Variants in NARS2 observed in about 807,000 individuals in gnomAD.
NARS2 encodes asparaginyl-tRNA synthetase 2, mitochondrial, also known as asparaginyl-tRNA synthetase.
A neutral mutation model predicts 62.9 loss-of-function variants in NARS2; 60 were observed. The observed-to-expected ratio is 0.95, with a 90% confidence interval of 0.77 to 1.18. NARS2 has a LOEUF of 1.18. NARS2 is among the 50% of genes most tolerant of loss of function. NARS2 has a pLI of 0.00. For missense variants in NARS2, 619 were observed against 576.4 expected, an observed-to-expected ratio of 1.07 and a Z score of -0.76; for synonymous variants, 196 against 200.0, an observed-to-expected ratio of 0.98 and a Z score of 0.17.
At chr11:78,450,109 A>G (rs958118361) in intron 11 of NARS2, among the ~76,000 whole-genome samples, 2 of 152,256 alleles carry the variant, frequency 1.3e-5, no homozygotes, top group Non-Finnish European at 2.9e-5. Flanking sequence ...ACGGGGAAGC[A>G]TAATTCCCAC....
At chr11:78,490,115 T>C (rs184716069) in intron 7 of NARS2, among the ~76,000 whole-genome samples, 2 of 152,306 alleles carry the variant, frequency 1.3e-5, no homozygotes, top group Admixed American at 1.3e-4. Context: ...ACTTTGTTCA[T>C]TACTTTCAAA....
intron 5 of NARS2, among the ~76,000 whole-genome samples, chr11:78,550,991 T>A (rs1454523516): frequency 6.6e-6 from 1 of 152,212 alleles, no homozygotes; most frequent in Non-Finnish European, 1.5e-5. Flanking sequence ...CATTGTACGA[T>A]TCCATTTATA....
Position 78,566,272 on chromosome 11 carries a change from C to G in NARS2, c.373G>C (p.Asp125His), listed in dbSNP as rs1856741349. 1 of 1,572,484 alleles carries G rather than the reference C, an allele frequency of 6.4e-7. No homozygotes were observed. The highest frequency in any genetic ancestry group is 1.2e-5 in the South Asian group (1 of 84,508). Residue 125 changes from aspartate (D) to histidine (H), a missense_variant and splice_region_variant, in exon 4 of 14, where the codon GAT (aspartate) becomes CAT (histidine). By Grantham distance (81) the Asp-to-His change is moderately conservative. Transcript: ENST00000281038. ...IKVIGNCDAK[D>H]FPIKYKERHP... ...CTCTCTTTATATTTGATGGGGAAAT[C>G]CTGCCAATAAATGAAAAGAACAAAT...
chr11:78,461,709 G>C (rs912650305), intron 11 of NARS2, among the ~76,000 whole-genome samples: 1 of 151,030 alleles, frequency 6.6e-6, no homozygotes, highest in African/African-American at 2.4e-5. Context: ...CACTTTAGGA[G>C]GCTGAGGCGG....
rs2135425106 is a variant in NARS2 at position 78,527,758 on chromosome 11, TA to T, written c.689+1083del. Among the ~76,000 whole-genome samples the T allele has an allele frequency of 2.6e-5, 4 of 152,090 alleles. 1 individual carries two copies. Among genetic ancestry groups the T allele is most frequent in the Admixed American group, 2.6e-4 (4 of 15,260 alleles). Reference sequence around the variant, plus strand: ...AGTCCTAATCTCTATAATGAGAAAATATTTAAAGAAAAAGATACATAAAGAA... The same window carrying T: ...AGTCCTAATCTCTATAATGAGAAAATTTTAAAGAAAAAGATACATAAAGAA... On this transcript the variant is annotated intron_variant, in intron 6 of 13. Coordinates refer to ENST00000281038, the MANE Select transcript of NARS2 (RefSeq NM_024678.6).
At chr11:78,540,483 A>C (rs1368262409) in intron 5 of NARS2, among the ~76,000 whole-genome samples, 1 of 78,980 alleles carries the variant, frequency 1.3e-5, no homozygotes, top group Non-Finnish European at 4.4e-5. Flanking sequence ...CAACAATGGA[A>C]AACTTATTTG....
intron 5 of NARS2, among the ~76,000 whole-genome samples, chr11:78,551,877 A>C (rs1012046447): frequency 6.6e-6 from 1 of 151,874 alleles, no homozygotes; most frequent in Non-Finnish European, 1.5e-5. Context: ...ACAAACAAAA[A>C]AAACCCACCA....
chr11:78,461,601 G>GT (rs1284529873), intron 11 of NARS2, among the ~76,000 whole-genome samples: 42 of 96,578 alleles, frequency 4.3e-4, no homozygotes, highest in Admixed American at 2.7e-3. Flanking sequence ...TGCTGTGCTG[G>GT]TAAAAAAAAA....
At chr11:78,478,015 G>A (rs921297973) in intron 9 of NARS2, among the ~76,000 whole-genome samples, 2 of 152,076 alleles carry the variant, frequency 1.3e-5, no homozygotes, top group East Asian at 1.9e-4. Context: ...TAACTCTCAC[G>A]CAGATCACTG....
chr11:78,442,459 G>A (rs1857604516), intron 12 of NARS2, among the ~76,000 whole-genome samples: 1 of 152,182 alleles, frequency 6.6e-6, no homozygotes, highest in African/African-American at 2.4e-5. Context: ...CATATAGGTT[G>A]AGACCTTGAA....
intron 11 of NARS2, among the ~76,000 whole-genome samples, chr11:78,450,032 C>T (rs757737157): frequency 3.9e-5 from 6 of 152,176 alleles, no homozygotes; most frequent in Non-Finnish European, 5.9e-5. Flanking sequence ...ACAGAAGCAA[C>T]GTATGTATGT....
chr11:78,473,479 A>G (rs1858960164), intron 9 of NARS2, among the ~76,000 whole-genome samples: 1 of 152,158 alleles, frequency 6.6e-6, no homozygotes, highest in Non-Finnish European at 1.5e-5. Context: ...TTTTGAGAAT[A>G]TCATGCCACT....
intron 5 of NARS2, among the ~76,000 whole-genome samples, chr11:78,538,863 C>T (rs1163797995): frequency 4.0e-5 from 6 of 150,544 alleles, no homozygotes; most frequent in South Asian, 2.1e-4. Flanking sequence ...GGCGTGGTGG[C>T]GGGCGCCTGT....
At chr11:78,479,583 G>A (rs541190761) in intron 7 of NARS2, among the ~76,000 whole-genome samples, 1 of 152,226 alleles carries the variant, frequency 6.6e-6, no homozygotes, top group East Asian at 1.9e-4. Flanking sequence ...TTCTTAGAAG[G>A]AAAAAAGTGA....
intron 13 of NARS2, among the ~76,000 whole-genome samples, chr11:78,440,808 C>T (rs1346034609): frequency 6.6e-6 from 1 of 152,216 alleles, no homozygotes; most frequent in East Asian, 1.9e-4. Context: ...GCTGGGATTA[C>T]AGGCGTGAGC....
At chr11:78,480,456 T>C (rs994189380) in intron 7 of NARS2, among the ~76,000 whole-genome samples, 1 of 152,070 alleles carries the variant, frequency 6.6e-6, no homozygotes, top group Non-Finnish European at 1.5e-5. Flanking sequence ...GGTTTCACCA[T>C]GTTGGCCAGG....
At chr11:78,477,136 T>C (rs187093744) in intron 9 of NARS2, among the ~76,000 whole-genome samples, 9 of 152,302 alleles carry the variant, frequency 5.9e-5, no homozygotes, top group African/African-American at 2.2e-4. Context: ...AAAACTAAGA[T>C]CCTTCCCTGG....
intron 11 of NARS2, among the ~76,000 whole-genome samples, chr11:78,452,947 G>A (rs1298989345): frequency 2.0e-5 from 3 of 152,134 alleles, no homozygotes; most frequent in African/African-American, 4.8e-5. Flanking sequence ...TAGGTCTGGC[G>A]GTTACCGGGA....
At chr11:78,528,183 T>C (rs1487485552) in intron 6 of NARS2, among the ~76,000 whole-genome samples, 3 of 152,000 alleles carry the variant, frequency 2.0e-5, no homozygotes, top group Non-Finnish European at 4.4e-5. Context: ...GCTATGACTG[T>C]GCAACTACAC....
Sources: gnomAD v4.1 joint callset for allele counts (sites outside exome capture counted in the v4.1 genomes callset) on GRCh38, gnomAD v4.1.1 for gene constraint, MANE v1.5 for transcripts, NCBI Gene and HGNC (gene_info 2026-07-23, HGNC 2026-07-21) for gene names.